Variants in ZBTB44 observed in about 807,000 individuals in gnomAD.
The protein encoded by ZBTB44 is zinc finger and BTB domain-containing protein 44.
Under a neutral mutation model 54.0 loss-of-function variants are expected in ZBTB44, and 15 were observed. That is an observed-to-expected ratio of 0.28 (90% CI 0.19 to 0.43). The LOEUF is 0.43. Ranked by LOEUF, ZBTB44 falls within the 20% of genes least tolerant of loss-of-function variation. ZBTB44 has a pLI of 1.00. For synonymous variants in ZBTB44, 230 were observed against 250.1 expected (o/e 0.92, Z 0.76); for missense variants, 487 against 707.1 (o/e 0.69, Z 3.53).
At chr11:130,283,675 G>C (rs942495469) in intron 1 of ZBTB44, among the ~76,000 whole-genome samples, 1 of 151,876 alleles carries the variant, frequency 6.6e-6, no homozygotes, top group South Asian at 2.1e-4. Flanking sequence ...ATATTAAAAA[G>C]GCAAAGCAGG....
At chr11:130,296,025 C>T in intron 1 of ZBTB44, 1 of 1,577,868 alleles carries the variant, frequency 6.3e-7, no homozygotes, top group Non-Finnish European at 8.7e-7. Flanking sequence ...TGTATAAAAA[C>T]CTGCAGTGTC....
intron 2 of ZBTB44, among the ~76,000 whole-genome samples, chr11:130,250,556 T>C: frequency 6.6e-6 from 1 of 152,172 alleles, no homozygotes; most frequent in East Asian, 1.9e-4. Flanking sequence ...CCGGTGCCCC[T>C]CTGGGATGAA....
chr11:130,283,332 C>G (rs1565675290), intron 1 of ZBTB44, among the ~76,000 whole-genome samples: 1 of 152,062 alleles, frequency 6.6e-6, no homozygotes, highest in African/African-American at 2.4e-5. Context: ...AGGCATGAGC[C>G]ACCGTGCCCG....
chr11:130,288,122 CA>C (rs575469291), intron 1 of ZBTB44, among the ~76,000 whole-genome samples: 112 of 152,278 alleles, frequency 7.4e-4, no homozygotes, highest in Admixed American at 3.1e-3. Context: ...CCTGTAATCT[CA>C]GCACTATGGG....
At chr11:130,255,820 A>G (rs1938385475) in intron 2 of ZBTB44, among the ~76,000 whole-genome samples, 1 of 145,624 alleles carries the variant, frequency 6.9e-6, no homozygotes, top group South Asian at 2.2e-4. Flanking sequence ...GGACATATAC[A>G]CCCTCCCAAG....
At chr11:130,303,504 G>A (rs757107111) in intron 1 of ZBTB44, among the ~76,000 whole-genome samples, 9 of 152,012 alleles carry the variant, frequency 5.9e-5, no homozygotes, top group East Asian at 5.8e-4. Flanking sequence ...GCGTGGTGGC[G>A]CATGCCTGTA....
chr11:130,274,896 C>T (rs1312382888), intron 1 of ZBTB44, among the ~76,000 whole-genome samples: 4 of 152,096 alleles, frequency 2.6e-5, no homozygotes, highest in African/African-American at 4.8e-5. Context: ...ACAGCAGTTC[C>T]CTCCCCTCCC....
Position 130,280,229 on chromosome 11 carries a change from AAC to A in ZBTB44, c.-56-18302_-56-18301del, listed in dbSNP as rs1191415471. ...CAAATGATTTAATCACAACAATGAA[AAC>A]ACAGAGACAGCACGAGGAGAAAAAA... On this transcript the variant is annotated intron_variant, in intron 1 of 7. Coordinates refer to ENST00000357899, the MANE Select transcript of ZBTB44 (RefSeq NM_001301098.2). Among the ~76,000 whole-genome samples, 9 of 152,238 alleles carry A rather than the reference AAC, an allele frequency of 5.9e-5. No homozygotes were observed. In the East Asian group the frequency reaches 1.5e-3, roughly 26 times the overall value.
intron 7 of ZBTB44, chr11:130,232,487 AAATAATATTC>A (rs1250837450): frequency 6.6e-6 from 1 of 152,220 alleles, no homozygotes; most frequent in Non-Finnish European, 1.5e-5. Flanking sequence ...TTAGCAGCAG[AAATAATATTC>A]ATTAGTTTAA....
chr11:130,266,605 G>A (rs1303046763), intron 1 of ZBTB44, among the ~76,000 whole-genome samples: 3 of 152,180 alleles, frequency 2.0e-5, no homozygotes, highest in Non-Finnish European at 4.4e-5. Context: ...TTCATGGGAG[G>A]AGGTCAAAAT....
intron 1 of ZBTB44, among the ~76,000 whole-genome samples, chr11:130,309,434 T>A (rs1942461633): frequency 6.6e-6 from 1 of 152,208 alleles, no homozygotes; most frequent in African/African-American, 2.4e-5. Flanking sequence ...AGATGAACAC[T>A]GCTCCCTCTT....
At position 130,290,263 on chromosome 11, in the gene ZBTB44, G is replaced by A. The variant is rs549673430; in HGVS notation, c.-57+24112C>T. On this transcript the variant is annotated intron_variant, in intron 1 of 7. Coordinates refer to ENST00000357899, the MANE Select transcript of ZBTB44 (RefSeq NM_001301098.2). ...CCTGCAGCCCACATAAGCTGCAAGA[G>A]GCAAGGAATGGTTTCTCTCCTAGAT... Among the ~76,000 whole-genome samples, 13 of 152,328 alleles carry A rather than the reference G, an allele frequency of 8.5e-5. No homozygotes were observed. In the South Asian group the frequency reaches 2.3e-3, roughly 27 times the overall value.
chr11:130,226,808 T>C lies in ZBTB44; in HGVS notation c.*4956A>G, dbSNP rs1267506559. 1 of 152,192 alleles carries C rather than the reference T, an allele frequency of 6.6e-6. No homozygotes were observed. Among genetic ancestry groups the C allele is most frequent in the Non-Finnish European group, 1.5e-5 (1 of 68,030 alleles). The allele number at this position is 152,192 out of a possible 1,614,324, so 9.4% of individuals were successfully genotyped here. On this transcript the variant is annotated 3_prime_UTR_variant, in exon 8 of 8. Transcript: ENST00000357899. ...CATCCCTTTCCTAACTGCAACTTTATGTGTGACCATGTAATAAAGGCCAGT... is the reference window on the plus strand; with the variant it reads ...CATCCCTTTCCTAACTGCAACTTTACGTGTGACCATGTAATAAAGGCCAGT...
rs540143249 is a variant in ZBTB44 at position 130,287,982 on chromosome 11, A to G, written c.-56-26053T>C. On this transcript the variant is annotated intron_variant, in intron 1 of 7. Coordinates refer to ENST00000357899, the MANE Select transcript of ZBTB44 (RefSeq NM_001301098.2). ...TTCTCAGACAAAAAAAAAAAAAAAG[A>G]AAGAAAAAGGCAAGAGTAGCACTGA... 1.6e-3 allele frequency among the ~76,000 whole-genome samples: 244 copies of G among 151,346 alleles called. 2 individuals are homozygous for G. The highest frequency in any genetic ancestry group is 2.2e-3 in the Non-Finnish European group (150 of 67,846).
Position 130,261,300 on chromosome 11 carries a change from G to A in ZBTB44, c.574C>T (p.Pro192Ser), listed in dbSNP as rs1209284001. Reference protein sequence around the residue: ...RKRKSYIVMSPESPVKCGTQT... With the variant: ...RKRKSYIVMSSESPVKCGTQT... ...GTGCCACACTTTACAGGACTTTCAG[G>A]AGACATAACAATGTAGCTTTTGCGC... The change falls in exon 2 of 8, where the codon CCT becomes TCT. Residue 192 changes from proline to serine, a missense_variant. This residue lies in a region of ZBTB44 where 277 missense variants were observed against 306.5 expected (regional missense o/e 0.90). Coordinates refer to ENST00000357899, the MANE Select transcript of ZBTB44 (RefSeq NM_001301098.2). The surrounding 1 kb of genome is among the most constrained non-coding windows in gnomAD (Gnocchi z 4.8). The A allele has an allele frequency of 9.3e-6, 15 of 1,613,710 alleles. No homozygotes were observed. The highest frequency in any genetic ancestry group is 1.3e-5 in the Non-Finnish European group (15 of 1,179,886).
intron 2 of ZBTB44, among the ~76,000 whole-genome samples, chr11:130,241,449 A>G (rs371359341): frequency 6.6e-6 from 1 of 152,220 alleles, no homozygotes; most frequent in Non-Finnish European, 1.5e-5. Flanking sequence ...ATGTCTTACA[A>G]TATTTCATGG....
At chr11:130,313,952 A>G (rs201193279) in intron 1 of ZBTB44, among the ~76,000 whole-genome samples, 3,535 of 18,058 alleles carry the variant, frequency 0.2, 142 homozygotes, top group African/African-American at 0.28. Context: ...GTGTGTGTAT[A>G]TATATATATA....
chr11:130,264,991 A>C (rs1172987681), intron 1 of ZBTB44, among the ~76,000 whole-genome samples: 1 of 152,160 alleles, frequency 6.6e-6, no homozygotes, highest in Non-Finnish European at 1.5e-5. Context: ...TGTGATCAGT[A>C]ATCTTTGATG....
chr11:130,282,218 G>A (rs531186422), intron 1 of ZBTB44, among the ~76,000 whole-genome samples: 5 of 152,236 alleles, frequency 3.3e-5, no homozygotes, highest in African/African-American at 9.6e-5. Context: ...TTCACACTGT[G>A]GTTCAACCAT....
Sources: allele counts gnomAD v4.1 joint callset (sites outside exome capture counted in the v4.1 genomes callset), GRCh38; gene constraint gnomAD v4.1.1; regional missense constraint gnomAD v4.1.1; non-coding constraint Gnocchi (gnomAD v3.1); transcripts MANE v1.5; gene names NCBI Gene and HGNC (gene_info 2026-07-23, HGNC 2026-07-21).